Variants in ABHD17A observed in about 807,000 individuals in gnomAD.
ABHD17A encodes abhydrolase domain containing 17A, depalmitoylase.
Under a neutral mutation model 26.8 loss-of-function variants are expected in ABHD17A, and 10 were observed. The observed-to-expected ratio is 0.37, with a 90% CI of 0.23 to 0.63. The LOEUF (loss-of-function observed/expected upper bound fraction) is 0.63, where lower values mean the gene tolerates loss of function less well. ABHD17A is among the 30% of genes least tolerant of loss of function. The pLI is 0.61. For synonymous variants in ABHD17A, 167 were observed against 210.9 expected (o/e 0.79, Z 1.80); for missense variants, 292 against 457.3 (o/e 0.64, Z 3.30).
Position 1,881,673 on chromosome 19 carries a change from G to T in ABHD17A, c.-107C>A. 7.3e-7 allele frequency: 1 copy of T among 1,378,738 alleles called. No homozygotes were observed. Among genetic ancestry groups the T allele is most frequent in the Non-Finnish European group, 9.3e-7 (1 of 1,072,254 alleles). 85.4% of individuals were successfully genotyped at this position (1,378,738 alleles called of 1,614,324 possible). ...GGGTGCTCCGAGTCGCGGGCAGGGGGGAGAGCGCCCCCCCAGCTACCGCCC... is the reference window on the plus strand; with the variant it reads ...GGGTGCTCCGAGTCGCGGGCAGGGGTGAGAGCGCCCCCCCAGCTACCGCCC... On this transcript the variant is annotated 5_prime_UTR_variant, in exon 2 of 5. Coordinates refer to ENST00000292577, the MANE Select transcript of ABHD17A (RefSeq NM_001130111.2).
Position 1,881,424 on chromosome 19 carries a change from G to T in ABHD17A, c.143C>A (p.Ala48Asp). The T allele has an allele frequency of 6.2e-7, 1 of 1,601,782 alleles. No individual in the cohort carries two copies. Reference protein sequence around the residue: ...VPEPEPGPGGAGAAPLGTLRA... With the variant: ...VPEPEPGPGGDGAAPLGTLRA... ...CAGGGTCCCCAAGGGGGCGGCCCCG[G>T]CCCCACCAGGCCCCGGCTCGGGCTC... is the stretch of plus-strand genomic sequence containing the variant. Residue 48 changes from alanine (A) to aspartate (D), a missense_variant, in exon 2 of 5, where the codon GCC becomes GAC. By Grantham distance (126) the Ala-to-Asp change is moderately radical. Around this residue, in one of 4 missense-constraint regions of ABHD17A, gnomAD observed 171 missense variants for 216.1 expected, o/e 0.79. Transcript: ENST00000292577.
At chr19:1,884,715 G>A (rs1469438879) in intron 1 of ABHD17A, among the ~76,000 whole-genome samples, 1 of 152,174 alleles carries the variant, frequency 6.6e-6, no homozygotes, top group Non-Finnish European at 1.5e-5. Flanking sequence ...CTCCTGGCTA[G>A]AGCAGACCCT....
At position 1,877,490 on chromosome 19, in the gene ABHD17A, C is replaced by A. The variant is rs2012399120; in HGVS notation, c.707+18G>T. Reference sequence around the variant, plus strand: ...GCCCGGGCCCCGCCCCGCCCCCGTCCCCGCCCGGGCCGCTCACTTAGGGAA... The same window carrying A: ...GCCCGGGCCCCGCCCCGCCCCCGTCACCGCCCGGGCCGCTCACTTAGGGAA... On this transcript the variant is annotated intron_variant, in intron 4 of 4. Coordinates refer to ENST00000292577, the MANE Select transcript of ABHD17A (RefSeq NM_001130111.2). The A allele has an allele frequency of 6.3e-7, 1 of 1,587,276 alleles. No homozygotes were observed. Among genetic ancestry groups the A allele is most frequent in the Non-Finnish European group, 8.5e-7 (1 of 1,174,936 alleles).
chr19:1,879,906 C>G lies in ABHD17A; in HGVS notation c.527+15G>C, dbSNP rs1194726268. 6.3e-7 allele frequency: 1 copy of G among 1,586,620 alleles called. No individual in the cohort carries two copies. Among genetic ancestry groups the G allele is most frequent in the East Asian group, 2.3e-5 (1 of 43,750 alleles). On this transcript the variant is annotated intron_variant, in intron 3 of 4. Transcript: ENST00000292577. This position sits in a 1 kb window ranked among gnomAD's most constrained non-coding sequence, Gnocchi z 7.6. ...GGGTGTGCCCAGGCTGAGCTGCCCC[C>G]AGGGTCGCCCTCACCTGGTGCGCAG... is the stretch of plus-strand genomic sequence containing the variant.
chr19:1,877,481 GC>G, intron 4 of ABHD17A, 26 bp downstream of exon 4: 1 of 1,580,142 alleles, frequency 6.3e-7, no homozygotes. Flanking sequence ...GCCCCGCCCC[GC>G]CCCCGTCCCC....
At chr19:1,878,824 C>T (rs1357449443) in intron 3 of ABHD17A, 2 of 152,540 alleles carry the variant, frequency 1.3e-5, no homozygotes, top group African/African-American at 4.8e-5. Flanking sequence ...TGGATGTCAC[C>T]ACTCAAACGA....
Position 1,876,824 on chromosome 19 carries a change from C to G in ABHD17A, c.*376G>C. The G allele has an allele frequency of 4.0e-6, 1 of 250,644 alleles. No homozygotes were observed. The highest frequency in any genetic ancestry group is 5.2e-5 in the Admixed American group (1 of 19,176). 15.5% of individuals were successfully genotyped at this position (250,644 alleles called of 1,614,324 possible). ...AGGGCTCCCCGGACTAGACAGAGAC[C>G]CACCCCACTTCCGCAGAGTAAAACC... is the stretch of plus-strand genomic sequence containing the variant. On this transcript the variant is annotated 3_prime_UTR_variant, in exon 5 of 5. Coordinates refer to ENST00000292577, the MANE Select transcript of ABHD17A (RefSeq NM_001130111.2).
At chr19:1,881,011 C>A (rs752841292) in intron 2 of ABHD17A, 3 of 1,611,624 alleles carry the variant, frequency 1.9e-6, no homozygotes, top group African/African-American at 2.7e-5. Context: ...CCCACCCATG[C>A]CAGCTGGGGA....
Position 1,881,641 on chromosome 19 carries a change from G to C in ABHD17A, c.-75C>G. ...CCGCCCGGCCTGGCCCGGCAGGGGA[G>C]GGGTGGGGGTGCTCCGAGTCGCGGG... On this transcript the variant is annotated 5_prime_UTR_variant, in exon 2 of 5. Transcript: ENST00000292577. 1 of 1,416,830 alleles carries C rather than the reference G, an allele frequency of 7.1e-7. No homozygotes were observed. The highest frequency in any genetic ancestry group is 9.1e-7 in the Non-Finnish European group (1 of 1,095,860). The allele number at this position is 1,416,830 out of a possible 1,614,324, so 87.8% of individuals were successfully genotyped here.
Position 1,881,275 on chromosome 19 carries a change from G to A in ABHD17A, c.292C>T (p.Arg98Cys), listed in dbSNP as rs778370412. Residue 98 changes from arginine to cysteine, a missense_variant, in exon 2 of 5, where the codon CGC becomes TGC. Coordinates refer to ENST00000292577, the MANE Select transcript of ABHD17A (RefSeq NM_001130111.2). Reference sequence around the variant, plus strand: ...CAGCGAACATACATGCAGGAGACGCGGTTGCCGCGGGCGCTCTTGGTGGGG... The same window carrying A: ...CAGCGAACATACATGCAGGAGACGCAGTTGCCGCGGGCGCTCTTGGTGGGG... Reference protein sequence around the residue: ...VFPTKSARGNRVSCMYVRCVP... With the variant: ...VFPTKSARGNCVSCMYVRCVP... 100 of 1,610,996 alleles carry A rather than the reference G, an allele frequency of 6.2e-5. No individual in the cohort carries two copies. The highest frequency in any genetic ancestry group is 7.6e-5 in the Non-Finnish European group (90 of 1,179,734).
In ABHD17A at chr19:1,877,318, T is replaced by C; in HGVS notation, c.815A>G (p.Lys272Arg). The C allele has an allele frequency of 1.3e-6, 2 of 1,531,910 alleles. No homozygotes were observed. Among genetic ancestry groups the C allele is most frequent in the Non-Finnish European group, 1.7e-6 (2 of 1,144,794 alleles). The allele number at this position is 1,531,910 out of a possible 1,614,324, so 94.9% of individuals were successfully genotyped here. ...CTCCACCCACAGCGGCTCCACCGCCTTGGGGCAGCGCTCGTAGAGCGCCAG... is the reference window on the plus strand; with the variant it reads ...CTCCACCCACAGCGGCTCCACCGCCCTGGGGCAGCGCTCGTAGAGCGCCAG... ...HGLALYERCP[K>R]AVEPLWVEGA... Residue 272 changes from lysine (K) to arginine (R), a missense_variant, in exon 5 of 5, where the codon AAG (lysine) becomes AGG (arginine). By Grantham distance (26) the Lys-to-Arg change is conservative. Around this residue, in one of 4 missense-constraint regions of ABHD17A, gnomAD observed 88 missense variants for 134.3 expected, o/e 0.66. Transcript: ENST00000292577.
At chr19:1,877,920 G>A in intron 3 of ABHD17A, 1 of 540,828 alleles carries the variant, frequency 1.8e-6, no homozygotes, top group South Asian at 2.2e-5. Flanking sequence ...CCGTTCACTG[G>A]CGTTTCCTAG....
Position 1,880,449 on chromosome 19 carries a change from G to C in ABHD17A, c.333-334C>G, listed in dbSNP as rs2012491640. ...CATCCTCTCTCAGGGCAGACTCGCA[G>C]TGTGTGCTCAGATACTGCAGGCTTC... On this transcript the variant is annotated intron_variant, in intron 2 of 4. Transcript: ENST00000292577. The surrounding 1 kb of genome is among the most constrained non-coding windows in gnomAD (Gnocchi z 4.1). Among the ~76,000 whole-genome samples, 1 of 152,230 alleles carries C rather than the reference G, an allele frequency of 6.6e-6. No individual in the cohort carries two copies. Among genetic ancestry groups the C allele is most frequent in the Non-Finnish European group, 1.5e-5 (1 of 68,036 alleles).
chr19:1,880,771 G>C lies in ABHD17A; in HGVS notation c.332+464C>G. ...CAGCACGGGAGCTGCCCCAGGTGGT[G>C]CCAGGAGCAGGTGGCCAGGCTGGCC... On this transcript the variant is annotated intron_variant, in intron 2 of 4. Transcript: ENST00000292577. The surrounding 1 kb of genome is among the most constrained non-coding windows in gnomAD (Gnocchi z 4.1). The C allele has an allele frequency of 7.3e-7, 1 of 1,372,562 alleles. No homozygotes were observed. The highest frequency in any genetic ancestry group is 9.9e-7 in the Non-Finnish European group (1 of 1,006,096). 85.0% of individuals were successfully genotyped at this position (1,372,562 alleles called of 1,614,324 possible).
chr19:1,881,040 T>C (rs776100719), intron 2 of ABHD17A, 195 bp downstream of exon 2: 3 of 1,605,994 alleles, frequency 1.9e-6, no homozygotes, highest in South Asian at 2.2e-5. Context: ...CTGAGCCTGG[T>C]GTCCTTGTCT....
rs990576457 is a variant in ABHD17A, at chr19:1,879,809, T to G, written c.527+112A>C. ...TCTGGCCCTGTGCATCCACTGTGGCTCCCCTCCTGCAGGGCCGCCCACCTT... is the reference window on the plus strand; with the variant it reads ...TCTGGCCCTGTGCATCCACTGTGGCGCCCCTCCTGCAGGGCCGCCCACCTT... On this transcript the variant is annotated intron_variant, in intron 3 of 4. Transcript: ENST00000292577. The surrounding 1 kb of genome is among the most constrained non-coding windows in gnomAD (Gnocchi z 7.6). 3 of 1,101,502 alleles carry G rather than the reference T, an allele frequency of 2.7e-6. No homozygotes were observed. Among genetic ancestry groups the G allele is most frequent in the Admixed American group, 4.6e-5 (2 of 43,132 alleles). The allele number at this position is 1,101,502 out of a possible 1,614,324, so 68.2% of individuals were successfully genotyped here.
chr19:1,882,504 CTT>C (rs2012570677), intron 1 of ABHD17A: 1 of 152,170 alleles, frequency 6.6e-6, no homozygotes, highest in South Asian at 2.1e-4. Flanking sequence ...CCACCCCTGA[CTT>C]AGGGTTCCGT....
At position 1,880,353 on chromosome 19, in the gene ABHD17A, T is replaced by C. The variant is rs1194418337; in HGVS notation, c.333-238A>G. ...ACAGCTGGCAGGGGGACAGGCAGCC[T>C]GGGCTGCAGAGGCCAGCCAGGGAGC... On this transcript the variant is annotated intron_variant, in intron 2 of 4. Transcript: ENST00000292577. This position sits in a 1 kb window ranked among gnomAD's most constrained non-coding sequence, Gnocchi z 4.1. 1.3e-5 allele frequency among the ~76,000 whole-genome samples: 2 copies of C among 152,158 alleles called. No individual in the cohort carries two copies. The highest frequency in any genetic ancestry group is 2.9e-5 in the Non-Finnish European group (2 of 68,008).
intron 3 of ABHD17A, chr19:1,877,897 G>T: frequency 1.8e-6 from 1 of 563,174 alleles, no homozygotes; most frequent in Non-Finnish European, 3.1e-6. Flanking sequence ...GCCCCGCCCC[G>T]TTCCCTGCGC....
Sources: allele counts gnomAD v4.1 joint callset (sites outside exome capture counted in the v4.1 genomes callset), GRCh38; gene constraint gnomAD v4.1.1; regional missense constraint gnomAD v4.1.1; non-coding constraint Gnocchi (gnomAD v3.1); transcripts MANE v1.5; gene names NCBI Gene and HGNC (gene_info 2026-07-23, HGNC 2026-07-21).